The following FNDC3A variants were observed in gnomAD, a reference collection of about 807,000 sequenced individuals.
The protein encoded by FNDC3A is fibronectin type-III domain-containing protein 3A.
In FNDC3A, 32 loss-of-function variants were observed where a neutral mutation model predicts 148.9. The observed-to-expected ratio is 0.21, with a 90% CI of 0.16 to 0.29. FNDC3A has a LOEUF of 0.29. FNDC3A is among the 10% of genes least tolerant of loss of function. FNDC3A has a pLI of 1.00. For missense variants in FNDC3A, 1,191 were observed against 1,452.8 expected, an observed-to-expected ratio of 0.82 and a Z score of 2.93; for synonymous variants, 472 against 473.6, an observed-to-expected ratio of 1.00 and a Z score of 0.04.
intron 3 of FNDC3A, among the ~76,000 whole-genome samples, chr13:49,086,356 C>T (rs1263206413): frequency 3.3e-5 from 5 of 152,204 alleles, no homozygotes; most frequent in South Asian, 2.1e-4. Context: ...AAATTCTGGC[C>T]GGTATTGTGC....
chr13:49,183,918 C>T (rs767437659), intron 14 of FNDC3A, among the ~76,000 whole-genome samples: 4 of 152,182 alleles, frequency 2.6e-5, no homozygotes, highest in Admixed American at 6.5e-5. Context: ...AGCATCTACT[C>T]TCTGCTAAGC....
chr13:49,061,225 C>G (rs1387242337), intron 2 of FNDC3A, among the ~76,000 whole-genome samples: 1 of 151,624 alleles, frequency 6.6e-6, no homozygotes, highest in Non-Finnish European at 1.5e-5. Flanking sequence ...TCCCACTCTC[C>G]CAGCCTCCTA....
intron 1 of FNDC3A, among the ~76,000 whole-genome samples, chr13:49,003,220 C>A (rs533480947): frequency 9.6e-4 from 146 of 152,214 alleles, no homozygotes; most frequent in African/African-American, 3.1e-3. Flanking sequence ...CACCTGCCAC[C>A]ACACTCAGTT....
At chr13:49,020,380 G>A (rs1031256422) in intron 2 of FNDC3A, among the ~76,000 whole-genome samples, 4 of 152,204 alleles carry the variant, frequency 2.6e-5, no homozygotes, top group African/African-American at 7.2e-5. Context: ...CTTTGAAAAT[G>A]TAAGTGGATA....
chr13:49,100,175 C>T (rs547462338), intron 3 of FNDC3A, among the ~76,000 whole-genome samples: 2 of 152,126 alleles, frequency 1.3e-5, no homozygotes, highest in East Asian at 3.9e-4. Flanking sequence ...CTTTAATGTA[C>T]TTGCATATGT....
At chr13:49,051,863 A>G (rs963112601) in intron 2 of FNDC3A, among the ~76,000 whole-genome samples, 3 of 152,128 alleles carry the variant, frequency 2.0e-5, no homozygotes, top group Non-Finnish European at 2.9e-5. Context: ...GGCTTTGTTC[A>G]TATTTTTAAA....
intron 8 of FNDC3A, among the ~76,000 whole-genome samples, chr13:49,151,852 G>C (rs1323304482): frequency 1.3e-5 from 2 of 152,148 alleles, no homozygotes; most frequent in African/African-American, 4.8e-5. Context: ...CCTTGCGATA[G>C]TTTGCTCAGA....
intron 2 of FNDC3A, among the ~76,000 whole-genome samples, chr13:49,032,104 C>T (rs1480826341): frequency 1.3e-5 from 2 of 152,122 alleles, no homozygotes; most frequent in African/African-American, 4.8e-5. Context: ...CTGCTTCACA[C>T]CCATTATAAT....
chr13:49,048,199 T>C lies in FNDC3A; in HGVS notation c.100-27090T>C, dbSNP rs1182281881. Reference sequence around the variant, plus strand: ...ATGCTGTTTTGGTGACTTTATAATATAGTTTGAAATCGGGTAATGTGAAGT... The same window carrying C: ...ATGCTGTTTTGGTGACTTTATAATACAGTTTGAAATCGGGTAATGTGAAGT... On this transcript the variant is annotated intron_variant, in intron 2 of 25. Coordinates refer to ENST00000492622, the MANE Select transcript of FNDC3A (RefSeq NM_001079673.2). Among the ~76,000 whole-genome samples, 9 of 152,236 alleles carry C rather than the reference T, an allele frequency of 5.9e-5. No homozygotes were observed. The East Asian group carries it at 1.7e-3, about 29-fold the overall frequency.
At chr13:49,111,085 A>T (rs923103407) in intron 3 of FNDC3A, among the ~76,000 whole-genome samples, 1 of 152,228 alleles carries the variant, frequency 6.6e-6, no homozygotes, top group East Asian at 1.9e-4. Context: ...TGCCAGGCAT[A>T]CATTTGTCAA....
At chr13:49,093,149 A>G (rs541936056) in intron 3 of FNDC3A, among the ~76,000 whole-genome samples, 41 of 152,260 alleles carry the variant, frequency 2.7e-4, no homozygotes, top group African/African-American at 9.6e-4. Flanking sequence ...CAACTGATTT[A>G]TGATACAAAA....
intron 3 of FNDC3A, among the ~76,000 whole-genome samples, chr13:49,100,625 T>C (rs1277214602): frequency 6.6e-6 from 1 of 152,188 alleles, no homozygotes; most frequent in Non-Finnish European, 1.5e-5. Context: ...TTTTTATGAA[T>C]TGATGTGACA....
intron 10 of FNDC3A, among the ~76,000 whole-genome samples, chr13:49,168,971 C>G (rs541684806): frequency 6.6e-6 from 1 of 152,020 alleles, no homozygotes; most frequent in African/African-American, 2.4e-5. Flanking sequence ...ATTAACAGTC[C>G]TTATTACATT....
chr13:49,094,895 T>C (rs1216585679), intron 3 of FNDC3A, among the ~76,000 whole-genome samples: 1 of 152,084 alleles, frequency 6.6e-6, no homozygotes, highest in Non-Finnish European at 1.5e-5. Flanking sequence ...TATATATTAT[T>C]AAGGATTTCA....
At chr13:49,171,553 C>G (rs1884755171) in intron 10 of FNDC3A, among the ~76,000 whole-genome samples, 1 of 152,126 alleles carries the variant, frequency 6.6e-6, no homozygotes, top group Non-Finnish European at 1.5e-5. Flanking sequence ...TAACAGATTG[C>G]TGAGTCAGCA....
At chr13:49,198,987 C>T (rs1483519122) in intron 23 of FNDC3A, among the ~76,000 whole-genome samples, 1 of 151,970 alleles carries the variant, frequency 6.6e-6, no homozygotes, top group Non-Finnish European at 1.5e-5. Context: ...ATCTTAGATA[C>T]AAAATAAACT....
intron 2 of FNDC3A, among the ~76,000 whole-genome samples, chr13:49,020,312 T>G (rs1459342140): frequency 6.6e-6 from 1 of 152,138 alleles, no homozygotes; most frequent in Non-Finnish European, 1.5e-5. Flanking sequence ...GAGGTAAAAT[T>G]GGTGAACAAG....
intron 2 of FNDC3A, among the ~76,000 whole-genome samples, chr13:49,039,397 G>A (rs1053610125): frequency 1.3e-5 from 2 of 152,106 alleles, no homozygotes; most frequent in African/African-American, 2.4e-5. Flanking sequence ...CGTCAGGCTT[G>A]CTTGTCTCTG....
intron 2 of FNDC3A, among the ~76,000 whole-genome samples, chr13:49,039,674 C>G (rs188113742): frequency 6.6e-5 from 10 of 152,160 alleles, no homozygotes; most frequent in African/African-American, 1.7e-4. Flanking sequence ...TAACTTTAAT[C>G]AGTGACTTTT....
Sources: allele counts gnomAD v4.1 joint callset (sites outside exome capture counted in the v4.1 genomes callset), GRCh38; gene constraint gnomAD v4.1.1; transcripts MANE v1.5; gene names NCBI Gene and HGNC (gene_info 2026-07-23, HGNC 2026-07-21).